Variants in SLC30A6 observed in about 807,000 individuals in gnomAD.
The protein encoded by SLC30A6 is solute carrier family 30 member 6.
SLC30A6 carries 55 observed loss-of-function variants against 63.0 expected under a neutral mutation model. That is an observed-to-expected ratio of 0.87 (90% CI 0.70 to 1.09). The LOEUF (loss-of-function observed/expected upper bound fraction) is 1.09, where lower values mean the gene tolerates loss of function less well. Ranked by LOEUF, SLC30A6 falls within the 50% of genes least tolerant of loss-of-function variation. The pLI is 0.00. For synonymous variants in SLC30A6, 224 were observed against 186.1 expected (o/e 1.20, Z -1.66); for missense variants, 587 against 549.2 (o/e 1.07, Z -0.69).
intron 10 of SLC30A6, chr2:32,201,486 G>C: frequency 2.3e-6 from 1 of 440,214 alleles, no homozygotes; most frequent in Non-Finnish European, 4.1e-6. Context: ...ATTACTAGTT[G>C]AATGACACAC....
intron 13 of SLC30A6, among the ~76,000 whole-genome samples, chr2:32,216,653 C>T (rs2148911097): frequency 6.6e-6 from 1 of 152,114 alleles, no homozygotes; most frequent in South Asian, 2.1e-4. Flanking sequence ...TTGCATTTCT[C>T]TGCTGATTAG....
chr2:32,200,943 C>T (rs1684238879), intron 10 of SLC30A6, among the ~76,000 whole-genome samples: 1 of 152,288 alleles, frequency 6.6e-6, no homozygotes, highest in Admixed American at 6.5e-5. Context: ...CCTTACTAAC[C>T]ATCCATCTAT....
At chr2:32,215,854 G>T (rs1685659369) in intron 13 of SLC30A6, among the ~76,000 whole-genome samples, 1 of 128,782 alleles carries the variant, frequency 7.8e-6, no homozygotes, top group Non-Finnish European at 1.7e-5. Context: ...GCATATGTGT[G>T]CCTGGCTAAT....
intron 1 of SLC30A6, 148 bp downstream of exon 1, chr2:32,166,051 C>A: frequency 8.7e-7 from 1 of 1,150,826 alleles, no homozygotes; most frequent in Non-Finnish European, 1.3e-6. Flanking sequence ...GGCTGTCTCC[C>A]AAAATGTTCC....
At chr2:32,215,256 A>G (rs930596067) in intron 13 of SLC30A6, among the ~76,000 whole-genome samples, 1 of 152,036 alleles carries the variant, frequency 6.6e-6, no homozygotes, top group Non-Finnish European at 1.5e-5. Context: ...GTGTAGCGAC[A>G]TGATCTTGGC....
chr2:32,203,392 A>G (rs1215264073), intron 10 of SLC30A6: 3 of 1,131,798 alleles, frequency 2.7e-6, no homozygotes, highest in Non-Finnish European at 4.0e-6. Context: ...CGGATGCCAT[A>G]AGGTCTCTGG....
Position 32,165,907 on chromosome 2 carries a change from A to T in SLC30A6, c.3+4A>T, listed in dbSNP as rs1440256707. 6.2e-7 allele frequency: 1 copy of T among 1,614,080 alleles called. No individual in the cohort carries two copies. Among genetic ancestry groups the T allele is most frequent in the South Asian group, 1.1e-5 (1 of 91,086 alleles). On this transcript the variant is annotated splice_donor_region_variant and intron_variant, in intron 1 of 13. Transcript: ENST00000282587. Reference sequence around the variant, plus strand: ...AGCTGTGCAGCTCCTTATCATGGTGAGTTGGCTGTTGGGGTGAGGGTTTCG... The same window carrying T: ...AGCTGTGCAGCTCCTTATCATGGTGTGTTGGCTGTTGGGGTGAGGGTTTCG...
In SLC30A6 at chr2:32,223,007, T is replaced by G. The variant is rs911198768; in HGVS notation, c.*2294T>G. On this transcript the variant is annotated 3_prime_UTR_variant, in exon 14 of 14. Coordinates refer to ENST00000282587, the MANE Select transcript of SLC30A6 (RefSeq NM_017964.5). ...GTGCATCTGTCCCACCAAAGGTGCT[T>G]TAATACCTACCTTCACTATTTGAGA... The G allele has an allele frequency of 6.6e-6, 1 of 152,250 alleles. No homozygotes were observed. The highest frequency in any genetic ancestry group is 1.5e-5 in the Non-Finnish European group (1 of 68,068). 9.4% of individuals were successfully genotyped at this position (152,250 alleles called of 1,614,324 possible).
Position 32,220,843 on chromosome 2 carries a change from A to T in SLC30A6, c.*130A>T. The T allele has an allele frequency of 1.3e-6, 1 of 788,292 alleles. No homozygotes were observed. The highest frequency in any genetic ancestry group is 3.7e-4 in the Middle Eastern group (1 of 2,682). The allele number at this position is 788,292 out of a possible 1,614,324, so 48.8% of individuals were successfully genotyped here. On this transcript the variant is annotated 3_prime_UTR_variant, in exon 14 of 14. Transcript: ENST00000282587. Reference sequence around the variant, plus strand: ...ATAATAGTAGTCTTGTTCACATTTCATGAAACCTATGAAACTATATTTTTG... The same window carrying T: ...ATAATAGTAGTCTTGTTCACATTTCTTGAAACCTATGAAACTATATTTTTG...
intron 10 of SLC30A6, chr2:32,202,938 G>A: frequency 8.9e-7 from 1 of 1,123,262 alleles, no homozygotes; most frequent in Non-Finnish European, 1.4e-6. Flanking sequence ...AGTTACTGGA[G>A]ATGTCCTTCA....
intron 6 of SLC30A6, among the ~76,000 whole-genome samples, 173 bp from the exon 7 acceptor site, chr2:32,192,745 A>G (rs541160088): frequency 1.3e-5 from 2 of 152,330 alleles, no homozygotes; most frequent in East Asian, 3.9e-4. Flanking sequence ...GTGAAAAAAG[A>G]AAACAACTAA....
chr2:32,208,350 C>T (rs1467787650), intron 12 of SLC30A6, among the ~76,000 whole-genome samples: 4 of 151,802 alleles, frequency 2.6e-5, no homozygotes, highest in South Asian at 2.1e-4. Context: ...AGGCTGGTCT[C>T]GAACTCCTGA....
chr2:32,197,440 C>T, intron 9 of SLC30A6, 48 bp downstream of exon 9: 2 of 1,515,000 alleles, frequency 1.3e-6, no homozygotes, highest in Non-Finnish European at 1.8e-6. Context: ...AAGGAATACA[C>T]AAGAAATGCA....
chr2:32,204,304 CA>C (rs1041405216), intron 10 of SLC30A6, among the ~76,000 whole-genome samples: 1 of 151,970 alleles, frequency 6.6e-6, no homozygotes, highest in Non-Finnish European at 1.5e-5. Flanking sequence ...GATAGTTTGA[CA>C]AAAAAATGCC....
intron 10 of SLC30A6, chr2:32,201,883 G>T: frequency 2.8e-6 from 4 of 1,451,002 alleles, no homozygotes; most frequent in Non-Finnish European, 3.8e-6. Flanking sequence ...TTACCTGGAT[G>T]CTCCCAAGAC....
intron 13 of SLC30A6, among the ~76,000 whole-genome samples, chr2:32,217,874 T>C (rs1029791282): frequency 6.6e-6 from 1 of 151,730 alleles, no homozygotes; most frequent in Non-Finnish European, 1.5e-5. Context: ...ACAAGGTCTC[T>C]CTTTGTCACC....
At chr2:32,167,656 A>G (rs1474839822) in intron 1 of SLC30A6, among the ~76,000 whole-genome samples, 2 of 150,408 alleles carry the variant, frequency 1.3e-5, no homozygotes, top group Admixed American at 6.6e-5. Flanking sequence ...GTGCTTTTAT[A>G]TGCACAAACA....
Position 32,211,450 on chromosome 2 carries a change from A to G in SLC30A6, c.885+1889A>G, listed in dbSNP as rs556120314. On this transcript the variant is annotated intron_variant, in intron 13 of 13. Coordinates refer to ENST00000282587, the MANE Select transcript of SLC30A6 (RefSeq NM_017964.5). ...TCTGGCATGAAGCATTTCTGAGACA[A>G]TGCCTAATGATAGTCTTAATTTTTT... Among the ~76,000 whole-genome samples the G allele has an allele frequency of 3.3e-5, 5 of 152,312 alleles. No individual in the cohort carries two copies. The South Asian group carries it at 1.0e-3, about 32-fold the overall frequency.
At position 32,197,598 on chromosome 2, in the gene SLC30A6, T is replaced by G. The variant is rs1683909214; in HGVS notation, c.546-109T>G. On this transcript the variant is annotated intron_variant, in intron 9 of 13. Transcript: ENST00000282587. Reference sequence around the variant, plus strand: ...TGTTCACAAATCCTCTTTGCTTTCTTTAAGAAGTACACTATGTGGTACCAA... The same window carrying G: ...TGTTCACAAATCCTCTTTGCTTTCTGTAAGAAGTACACTATGTGGTACCAA... 5 of 1,488,572 alleles carry G rather than the reference T, an allele frequency of 3.4e-6. No homozygotes were observed. The South Asian group carries it at 6.3e-5, about 19-fold the overall frequency. 92.2% of individuals were successfully genotyped at this position (1,488,572 alleles called of 1,614,324 possible). A position where few individuals can be genotyped will look rare whatever the true frequency, so the allele number is the denominator to read the frequency against.
Sources: allele counts gnomAD v4.1 joint callset (sites outside exome capture counted in the v4.1 genomes callset), GRCh38; gene constraint gnomAD v4.1.1; transcripts MANE v1.5; gene names NCBI Gene and HGNC (gene_info 2026-07-23, HGNC 2026-07-21).